Variants in KCNH1 observed in about 807,000 individuals in gnomAD.
The protein encoded by KCNH1 is voltage-gated delayed rectifier potassium channel KCNH1.
Under a neutral mutation model 69.2 loss-of-function variants are expected in KCNH1, and 27 were observed. The ratio of observed to expected loss-of-function variants is 0.39; its 90% confidence interval spans 0.29 to 0.54. KCNH1 has a LOEUF of 0.54. Among genes scored for constraint, KCNH1 ranks in the 20% least tolerant of loss-of-function variants. KCNH1 has a pLI of 0.68. For missense variants in KCNH1, 798 were observed against 1,261.6 expected (o/e 0.63, Z 5.57); for synonymous variants, 456 against 487.7 (o/e 0.93, Z 0.86).
chr1:210,858,801 T>C (rs546960242), intron 7 of KCNH1: 1 of 195,384 alleles, frequency 5.1e-6, no homozygotes, highest in South Asian at 1.1e-4. Flanking sequence ...TTTTAAATAG[T>C]CCTGTAGCCC....
chr1:210,740,847 G>A lies in KCNH1; in HGVS notation c.2112+34501C>T, dbSNP rs374775765. Among the ~76,000 whole-genome samples, 22 of 151,782 alleles carry A rather than the reference G, an allele frequency of 1.4e-4. No individual in the cohort carries two copies. In the South Asian group the frequency reaches 2.9e-3, roughly 20 times the overall value. Reference sequence around the variant, plus strand: ...GAAGGAAGAGGAGGGAGGAAAGGACGGAGAACATTTCTTCACAATCACCGT... The same window carrying A: ...GAAGGAAGAGGAGGGAGGAAAGGACAGAGAACATTTCTTCACAATCACCGT... On this transcript the variant is annotated intron_variant, in intron 10 of 10. Coordinates refer to ENST00000271751, the MANE Select transcript of KCNH1 (RefSeq NM_172362.3).
intron 7 of KCNH1, among the ~76,000 whole-genome samples, chr1:210,823,658 C>T (rs1472309040): frequency 1.3e-5 from 2 of 152,146 alleles, no homozygotes; most frequent in Admixed American, 1.3e-4. Flanking sequence ...GAGATTATGT[C>T]ATTAAATCCT....
intron 6 of KCNH1, among the ~76,000 whole-genome samples, chr1:210,926,090 C>A (rs747020465): frequency 7.9e-5 from 12 of 152,208 alleles, no homozygotes; most frequent in African/African-American, 1.2e-4. Context: ...GAAACCCCAT[C>A]TCTACTAAAA....
intron 7 of KCNH1, among the ~76,000 whole-genome samples, chr1:210,847,095 G>T (rs1433984215): frequency 6.6e-6 from 1 of 152,204 alleles, no homozygotes; most frequent in Non-Finnish European, 1.5e-5. Context: ...TGCTGGACAG[G>T]ATGTGGAGAA....
chr1:211,012,360 G>A (rs967778987), intron 6 of KCNH1, among the ~76,000 whole-genome samples: 1 of 152,130 alleles, frequency 6.6e-6, no homozygotes, highest in African/African-American at 2.4e-5. Context: ...AACAAGACCT[G>A]TGCTGATCAG....
chr1:210,861,571 C>T (rs544722043), intron 7 of KCNH1: 23 of 772,094 alleles, frequency 3.0e-5, no homozygotes, highest in Admixed American at 1.7e-4. Flanking sequence ...AAATTTCTAC[C>T]CATTCTGTCA....
At chr1:211,016,980 G>A (rs1362088421) in intron 6 of KCNH1, among the ~76,000 whole-genome samples, 1 of 150,414 alleles carries the variant, frequency 6.6e-6, no homozygotes. Flanking sequence ...TATTAGGTAT[G>A]ATTCTGCTCT....
intron 10 of KCNH1, among the ~76,000 whole-genome samples, chr1:210,706,168 A>G (rs1681908614): frequency 1.3e-5 from 2 of 152,124 alleles, no homozygotes; most frequent in South Asian, 4.2e-4. Flanking sequence ...CTCTTCCACA[A>G]AGCCTTCTGT....
At chr1:210,884,413 C>T (rs1034443333) in intron 7 of KCNH1, among the ~76,000 whole-genome samples, 4 of 152,152 alleles carry the variant, frequency 2.6e-5, no homozygotes, top group Non-Finnish European at 5.9e-5. Context: ...TGTGAGAATC[C>T]CATGAGGTAG....
At chr1:210,702,462 T>C (rs568157661) in intron 10 of KCNH1, among the ~76,000 whole-genome samples, 2 of 152,302 alleles carry the variant, frequency 1.3e-5, no homozygotes, top group African/African-American at 4.8e-5. Flanking sequence ...TTTCCAGACT[T>C]TTATTATGTT....
chr1:210,690,964 G>A (rs1458688969), intron 10 of KCNH1, among the ~76,000 whole-genome samples: 1 of 152,238 alleles, frequency 6.6e-6, no homozygotes, highest in Non-Finnish European at 1.5e-5. Flanking sequence ...TCAGCATGGG[G>A]TGATGGCATG....
chr1:210,755,914 A>G (rs1319350169), intron 10 of KCNH1, among the ~76,000 whole-genome samples: 1 of 152,190 alleles, frequency 6.6e-6, no homozygotes, highest in Non-Finnish European at 1.5e-5. Flanking sequence ...TTAACTTTAC[A>G]TAATAATTTC....
chr1:211,032,909 A>G (rs1278482511), intron 5 of KCNH1, among the ~76,000 whole-genome samples: 3 of 152,248 alleles, frequency 2.0e-5, no homozygotes, highest in Non-Finnish European at 4.4e-5. Context: ...AAATTGACAA[A>G]TGGGATCTAA....
chr1:210,692,726 C>A (rs1185116375), intron 10 of KCNH1, among the ~76,000 whole-genome samples: 1 of 152,102 alleles, frequency 6.6e-6, no homozygotes, highest in African/African-American at 2.4e-5. Flanking sequence ...ACTGGAGTTA[C>A]GTAGCTACAA....
chr1:211,089,378 CTT>C (rs2102472143), intron 4 of KCNH1, among the ~76,000 whole-genome samples: 1 of 152,278 alleles, frequency 6.6e-6, no homozygotes, highest in East Asian at 1.9e-4. Context: ...GGTTGAGAGA[CTT>C]TGCATCTGCT....
chr1:210,789,114 G>T (rs1684166530), intron 9 of KCNH1, among the ~76,000 whole-genome samples: 1 of 152,142 alleles, frequency 6.6e-6, no homozygotes, highest in South Asian at 2.1e-4. Flanking sequence ...TTCTCCCTCT[G>T]TGCTAAGCAT....
At chr1:210,811,111 G>T (rs1268211440) in intron 7 of KCNH1, among the ~76,000 whole-genome samples, 1 of 152,174 alleles carries the variant, frequency 6.6e-6, no homozygotes, top group Non-Finnish European at 1.5e-5. Context: ...AGTGTACAAA[G>T]TTCCCCTTAA....
intron 10 of KCNH1, among the ~76,000 whole-genome samples, chr1:210,726,197 T>C (rs1337921761): frequency 2.6e-5 from 4 of 152,128 alleles, no homozygotes; most frequent in African/African-American, 9.7e-5. Context: ...AACAGGATCC[T>C]GGTATCAGCT....
At chr1:210,913,468 A>G (rs749841103) in intron 7 of KCNH1, among the ~76,000 whole-genome samples, 7 of 152,184 alleles carry the variant, frequency 4.6e-5, no homozygotes, top group African/African-American at 7.2e-5. Flanking sequence ...TAAATTTTCA[A>G]ATTTTTCCAA....
Sources: allele counts gnomAD v4.1 joint callset (sites outside exome capture counted in the v4.1 genomes callset), GRCh38; gene constraint gnomAD v4.1.1; transcripts MANE v1.5; gene names NCBI Gene and HGNC (gene_info 2026-07-23, HGNC 2026-07-21).